Variants in DGKI observed in about 807,000 individuals in gnomAD.
DGKI encodes the protein DAG kinase iota.
DGKI carries 55 observed loss-of-function variants against 147.5 expected under a neutral mutation model. The ratio of observed to expected loss-of-function variants is 0.37; its 90% confidence interval spans 0.30 to 0.47. The LOEUF is 0.47. DGKI is among the 20% of genes least tolerant of loss of function. The pLI is 1.00. For synonymous variants in DGKI, 469 were observed against 477.1 expected (o/e 0.98, Z 0.22); for missense variants, 1,007 against 1,323.8 (o/e 0.76, Z 3.71).
At chr7:137,835,017 T>A (rs1798328661) in intron 1 of DGKI, among the ~76,000 whole-genome samples, 1 of 152,242 alleles carries the variant, frequency 6.6e-6, no homozygotes, top group African/African-American at 2.4e-5. Flanking sequence ...GCTTGTCTTG[T>A]ACCGTATTTT....
intron 30 of DGKI, among the ~76,000 whole-genome samples, chr7:137,399,372 C>A (rs1811666217): frequency 6.6e-6 from 1 of 152,138 alleles, no homozygotes; most frequent in African/African-American, 2.4e-5. Context: ...CCTCTTTGTT[C>A]CTTGGTCCTG....
chr7:137,627,021 A>G (rs181879760), intron 6 of DGKI, among the ~76,000 whole-genome samples: 42 of 152,316 alleles, frequency 2.8e-4, no homozygotes, highest in African/African-American at 8.9e-4. Flanking sequence ...TTTGCATTAT[A>G]AATTCCTGTC....
At chr7:137,749,316 C>T (rs923831792) in intron 1 of DGKI, among the ~76,000 whole-genome samples, 2 of 152,146 alleles carry the variant, frequency 1.3e-5, no homozygotes, top group Admixed American at 6.5e-5. Flanking sequence ...ACCTCCCTCC[C>T]GGCTCTTCTT....
intron 8 of DGKI, among the ~76,000 whole-genome samples, chr7:137,616,548 C>A (rs368332106): frequency 1.6e-4 from 24 of 152,204 alleles, no homozygotes; most frequent in African/African-American, 5.5e-4. Flanking sequence ...GATCCTGGGA[C>A]ATGGTATTGT....
At chr7:137,701,668 T>C (rs1002577739) in intron 1 of DGKI, among the ~76,000 whole-genome samples, 2 of 152,116 alleles carry the variant, frequency 1.3e-5, no homozygotes, top group Non-Finnish European at 2.9e-5. Context: ...CTGAAAACTA[T>C]AAAACATCAC....
chr7:137,409,010 C>T (rs1353356731), intron 29 of DGKI, among the ~76,000 whole-genome samples: 5 of 152,112 alleles, frequency 3.3e-5, no homozygotes, highest in Admixed American at 6.5e-5. Context: ...CATAAATGAC[C>T]TAAATGCAAA....
At chr7:137,815,627 A>G (rs568119273) in intron 1 of DGKI, among the ~76,000 whole-genome samples, 13 of 152,344 alleles carry the variant, frequency 8.5e-5, no homozygotes, top group African/African-American at 2.4e-4. Flanking sequence ...CGCTAGGGAC[A>G]TGGATATGAA....
At chr7:137,609,351 G>T (rs937309338) in intron 9 of DGKI, among the ~76,000 whole-genome samples, 184 bp downstream of exon 9, 2 of 152,084 alleles carry the variant, frequency 1.3e-5, no homozygotes, top group Admixed American at 1.3e-4. Context: ...AAGCGCAGAG[G>T]TTAGTTTTGA....
intron 3 of DGKI, among the ~76,000 whole-genome samples, chr7:137,668,873 G>T (rs1350275679): frequency 6.6e-6 from 1 of 152,202 alleles, no homozygotes; most frequent in Admixed American, 6.5e-5. Flanking sequence ...ACTCTGAGTT[G>T]TCTCTTTTGG....
chr7:137,496,676 G>A (rs1815977902), intron 21 of DGKI, among the ~76,000 whole-genome samples: 1 of 151,952 alleles, frequency 6.6e-6, no homozygotes, highest in African/African-American at 2.4e-5. Flanking sequence ...CTTCAACAAA[G>A]TCGATAAAAA....
At chr7:137,539,271 G>A (rs1261747104) in intron 20 of DGKI, among the ~76,000 whole-genome samples, 2 of 152,186 alleles carry the variant, frequency 1.3e-5, no homozygotes, top group Non-Finnish European at 2.9e-5. Context: ...GTTACAGGCA[G>A]TATGCAGCAG....
chr7:137,767,181 G>T (rs764083082), intron 1 of DGKI, among the ~76,000 whole-genome samples: 2 of 152,178 alleles, frequency 1.3e-5, no homozygotes, highest in Non-Finnish European at 2.9e-5. Context: ...GATGGCTGCA[G>T]ATCTCCTGCC....
At chr7:137,534,580 A>G (rs1817454982) in intron 20 of DGKI, among the ~76,000 whole-genome samples, 1 of 152,046 alleles carries the variant, frequency 6.6e-6, no homozygotes, top group South Asian at 2.1e-4. Flanking sequence ...ACCTTATTGT[A>G]TCTATATAAT....
intron 27 of DGKI, among the ~76,000 whole-genome samples, chr7:137,452,289 C>G (rs1813998746): frequency 6.6e-6 from 1 of 152,148 alleles, no homozygotes; most frequent in African/African-American, 2.4e-5. Context: ...GTGGGATTCC[C>G]CAGGACCACA....
intron 1 of DGKI, among the ~76,000 whole-genome samples, chr7:137,805,838 T>C (rs1797348531): frequency 6.6e-6 from 1 of 152,200 alleles, no homozygotes; most frequent in South Asian, 2.1e-4. Context: ...ATAAAGAAAC[T>C]GAGGTTAAGA....
chr7:137,681,310 T>C (rs1823228302), intron 2 of DGKI, among the ~76,000 whole-genome samples: 1 of 152,204 alleles, frequency 6.6e-6, no homozygotes, highest in Non-Finnish European at 1.5e-5. Context: ...CACCTCACAG[T>C]CAACCTTGTG....
At chr7:137,696,461 T>TTTTTTTTTTTTTTTG (rs1554459920) in intron 1 of DGKI, among the ~76,000 whole-genome samples, 2 of 109,074 alleles carry the variant, frequency 1.8e-5, no homozygotes, top group East Asian at 3.3e-4. Flanking sequence ...TTTTTTTTTT[T>TTTTTTTTTTTTTTTG]TTGCTTAATG....
chr7:137,792,118 T>C (rs764461988), intron 1 of DGKI, among the ~76,000 whole-genome samples: 9 of 152,104 alleles, frequency 5.9e-5, no homozygotes, highest in Non-Finnish European at 1.2e-4. Flanking sequence ...TGAACACAAA[T>C]GTCGACTGAG....
At chr7:137,749,874 C>T (rs908157643) in intron 1 of DGKI, among the ~76,000 whole-genome samples, 1 of 152,024 alleles carries the variant, frequency 6.6e-6, no homozygotes, top group African/African-American at 2.4e-5. Context: ...CCAGACATAG[C>T]CAGGGGTGGA....
Sources: gnomAD v4.1 joint callset for allele counts (sites outside exome capture counted in the v4.1 genomes callset) on GRCh38, gnomAD v4.1.1 for gene constraint, MANE v1.5 for transcripts, NCBI Gene and HGNC (gene_info 2026-07-23, HGNC 2026-07-21) for gene names.